The following KDM1B variants were observed in gnomAD, a reference collection of about 807,000 sequenced individuals.
KDM1B encodes lysine-specific histone demethylase 2.
In KDM1B, 63 loss-of-function variants were observed where a neutral mutation model predicts 107.4. The ratio of observed to expected loss-of-function variants is 0.59; its 90% CI spans 0.48 to 0.72. The LOEUF is 0.72. Among genes scored for constraint, KDM1B ranks in the 30% least tolerant of loss-of-function variants. The pLI is 0.00. For missense variants in KDM1B, 749 were observed against 1,020.8 expected (o/e 0.73, Z 3.63); for synonymous variants, 363 against 363.9 (o/e 1.00, Z 0.03).
intron 10 of KDM1B, among the ~76,000 whole-genome samples, chr6:18,193,270 G>A (rs1582156087): frequency 8.0e-6 from 1 of 124,840 alleles, no homozygotes. Flanking sequence ...GGCTTTAAAA[G>A]AATCAAAGAC....
At chr6:18,178,996 TC>T (rs1786244694) in intron 7 of KDM1B, among the ~76,000 whole-genome samples, 1 of 152,216 alleles carries the variant, frequency 6.6e-6, no homozygotes. Context: ...GTTCCTGACT[TC>T]AGGAGGAATG....
chr6:18,158,599 CTATT>C (rs1784781377), intron 2 of KDM1B, among the ~76,000 whole-genome samples: 1 of 151,946 alleles, frequency 6.6e-6, no homozygotes, highest in African/African-American at 2.4e-5. Flanking sequence ...TAGGTATGTC[CTATT>C]TATTTTTCAT....
In KDM1B at chr6:18,213,091, A is replaced by G. The variant is rs1788969205; in HGVS notation, c.1983+487A>G. On this transcript the variant is annotated intron_variant, in intron 18 of 21. Coordinates refer to ENST00000650836, the MANE Select transcript of KDM1B (RefSeq NM_001364614.2). This position sits in a 1 kb window ranked among gnomAD's most constrained non-coding sequence, Gnocchi z 5.9. ...GCTGGGCATCTTCAGACTAGCTTCTAGGTTGCCAGTGGGTTCCATTATCCA... is the reference window on the plus strand; with the variant it reads ...GCTGGGCATCTTCAGACTAGCTTCTGGGTTGCCAGTGGGTTCCATTATCCA... 6.6e-6 allele frequency among the ~76,000 whole-genome samples: 1 copy of G among 152,262 alleles called. No homozygotes were observed. Among genetic ancestry groups the G allele is most frequent in the South Asian group, 2.1e-4 (1 of 4,830 alleles).
Position 18,200,381 on chromosome 6 carries a change from C to G in KDM1B, c.1222-58C>G, listed in dbSNP as rs938215331. The G allele has an allele frequency of 4.6e-6, 7 of 1,508,672 alleles. No individual in the cohort carries two copies. The African/African-American group carries it at 7.0e-5, about 15-fold the overall frequency. The allele number at this position is 1,508,672 out of a possible 1,614,324, so 93.5% of individuals were successfully genotyped here. On this transcript the variant is annotated intron_variant, in intron 12 of 21. Transcript: ENST00000650836. The surrounding 1 kb of genome is among the most constrained non-coding windows in gnomAD (Gnocchi z 4.3). ...AGTGTCCTTCTACATTTTTATAATA[C>G]TGTGTCTGATATAACTCTTGTGTCC...
At chr6:18,192,830 C>CA (rs35080903) in intron 10 of KDM1B, among the ~76,000 whole-genome samples, 10,588 of 150,424 alleles carry the variant, frequency 0.07, 473 homozygotes, top group Non-Finnish European at 0.099. Flanking sequence ...TTGACTTATA[C>CA]AGGGGAAGAA....
chr6:18,182,109 T>C (rs1786520969), intron 7 of KDM1B, among the ~76,000 whole-genome samples: 1 of 152,164 alleles, frequency 6.6e-6, no homozygotes, highest in Non-Finnish European at 1.5e-5. Flanking sequence ...CAGGAGGGCC[T>C]CAGAGGTGTC....
chr6:18,192,461 T>C (rs1045305270), intron 10 of KDM1B, among the ~76,000 whole-genome samples: 3 of 152,216 alleles, frequency 2.0e-5, no homozygotes, highest in East Asian at 1.9e-4. Context: ...GATTAAGTTA[T>C]GGCTGTTAAT....
chr6:18,175,665 C>T (rs951453070), intron 7 of KDM1B, among the ~76,000 whole-genome samples: 38 of 152,060 alleles, frequency 2.5e-4, no homozygotes, highest in African/African-American at 8.0e-4. Context: ...TATGAGGATC[C>T]AGTTTTCCTC....
chr6:18,174,315 G>A (rs989963855), intron 7 of KDM1B, among the ~76,000 whole-genome samples: 2 of 151,732 alleles, frequency 1.3e-5, no homozygotes, highest in African/African-American at 4.8e-5. Flanking sequence ...CAACTTCTTA[G>A]TATCCAATAA....
intron 21 of KDM1B, among the ~76,000 whole-genome samples, chr6:18,218,097 A>G (rs1232092288): frequency 1.3e-5 from 2 of 151,726 alleles, no homozygotes; most frequent in Non-Finnish European, 2.9e-5. Context: ...TCATATTTTA[A>G]AAGTGTTTAT....
rs1450011125 is a variant in KDM1B, at chr6:18,212,883, C to T, written c.1983+279C>T. Among the ~76,000 whole-genome samples the T allele has an allele frequency of 2.0e-5, 3 of 151,850 alleles. No homozygotes were observed. The highest frequency in any genetic ancestry group is 6.6e-5 in the Admixed American group (1 of 15,258). ...GCAATTCTTTTATCCCCTTTTTTCC[C>T]CCCTTCTGCTTTCTTTCTTGTCTGC... is the stretch of plus-strand genomic sequence containing the variant. On this transcript the variant is annotated intron_variant, in intron 18 of 21. Transcript: ENST00000650836. This position sits in a 1 kb window ranked among gnomAD's most constrained non-coding sequence, Gnocchi z 5.2.
intron 12 of KDM1B, among the ~76,000 whole-genome samples, chr6:18,198,379 G>A (rs1396662118): frequency 2.6e-5 from 4 of 151,480 alleles, no homozygotes; most frequent in Non-Finnish European, 5.9e-5. Flanking sequence ...TTGAGACAGT[G>A]TTATGAGACT....
Position 18,204,619 on chromosome 6 carries a change from C to G in KDM1B, c.1532-918C>G, listed in dbSNP as rs1044374626. Among the ~76,000 whole-genome samples, 1 of 152,220 alleles carries G rather than the reference C, an allele frequency of 6.6e-6. No homozygotes were observed. The highest frequency in any genetic ancestry group is 2.4e-5 in the African/African-American group (1 of 41,442). ...GAATTAGTCAGACATCAAGCCAGAA[C>G]CCTCTTCCAGCCCTGCTATAAAGGA... On this transcript the variant is annotated intron_variant, in intron 14 of 21. Coordinates refer to ENST00000650836, the MANE Select transcript of KDM1B (RefSeq NM_001364614.2). The surrounding 1 kb of genome is among the most constrained non-coding windows in gnomAD (Gnocchi z 4.9).
At chr6:18,221,355 G>T (rs1294629694) in intron 21 of KDM1B, among the ~76,000 whole-genome samples, 1 of 151,922 alleles carries the variant, frequency 6.6e-6, no homozygotes, top group East Asian at 1.9e-4. Context: ...TATCCTCCTG[G>T]TTTGCTTATT....
At chr6:18,208,288 G>A (rs1788530130) in intron 17 of KDM1B, 82 bp downstream of exon 17, 1 of 1,048,634 alleles carries the variant, frequency 9.5e-7, no homozygotes, top group Non-Finnish European at 1.4e-6. Context: ...TTCCTATCAA[G>A]GAGTTTGCCT....
chr6:18,164,682 G>A (rs2150781689), intron 5 of KDM1B, among the ~76,000 whole-genome samples: 1 of 152,140 alleles, frequency 6.6e-6, no homozygotes, highest in African/African-American at 2.4e-5. Context: ...TTTTGAGACA[G>A]GGTCTTGCTC....
At chr6:18,187,646 T>C in intron 8 of KDM1B, 146 bp from the exon 9 acceptor site, 1 of 530,154 alleles carries the variant, frequency 1.9e-6, no homozygotes, top group South Asian at 2.6e-5. Context: ...TGTAGAGCTC[T>C]GGAATAGAAT....
At chr6:18,184,608 G>A (rs551026493) in intron 7 of KDM1B, among the ~76,000 whole-genome samples, 4 of 151,990 alleles carry the variant, frequency 2.6e-5, no homozygotes, top group Non-Finnish European at 5.9e-5. Context: ...ATTGTGAGAT[G>A]TGTCCATGTT....
At chr6:18,206,790 G>A (rs959621532) in intron 15 of KDM1B, among the ~76,000 whole-genome samples, 4 of 152,108 alleles carry the variant, frequency 2.6e-5, no homozygotes, top group Non-Finnish European at 4.4e-5. Context: ...TGGAACCGTG[G>A]AGTCGGAAAC....
Sources: gnomAD v4.1 joint callset for allele counts (sites outside exome capture counted in the v4.1 genomes callset) on GRCh38, gnomAD v4.1.1 for gene constraint, Gnocchi (gnomAD v3.1) non-coding constraint, MANE v1.5 for transcripts, NCBI Gene and HGNC (gene_info 2026-07-23, HGNC 2026-07-21) for gene names.